The following DGKD variants were observed in gnomAD, a reference collection of about 807,000 sequenced individuals.
DGKD encodes the protein DAG kinase delta.
In DGKD, 68 loss-of-function variants were observed where a neutral mutation model predicts 154.4. That is an observed-to-expected ratio of 0.44 (90% CI 0.36 to 0.54). The LOEUF is 0.54. Among genes scored for constraint, DGKD ranks in the 20% least tolerant of loss-of-function variants. The probability of loss-of-function intolerance (pLI) is 0.00; values close to 1 mark genes in which losing one functional copy is unlikely to be tolerated. For synonymous variants in DGKD, 693 were observed against 638.0 expected (o/e 1.09, Z -1.30); for missense variants, 1,343 against 1,593.6 (o/e 0.84, Z 2.68).
intron 9 of DGKD, among the ~76,000 whole-genome samples, chr2:233,439,190 G>A (rs920409755): frequency 6.6e-6 from 1 of 152,252 alleles, no homozygotes; most frequent in African/African-American, 2.4e-5. Flanking sequence ...CACTGCCGGA[G>A]ATGTCCAGGA....
At chr2:233,360,911 G>A (rs1390991174) in intron 1 of DGKD, among the ~76,000 whole-genome samples, 1 of 151,878 alleles carries the variant, frequency 6.6e-6, no homozygotes, top group Non-Finnish European at 1.5e-5. Flanking sequence ...CTCCCCTAGA[G>A]CCTTTAGAGG....
At position 233,390,838 on chromosome 2, in the gene DGKD, A is replaced by C. The variant is rs191918415; in HGVS notation, c.348+355A>C. Reference sequence around the variant, plus strand: ...AACTTCCGCCTCCCGAGTTCAAGCGATTCTCCTGCCTCAGCCTCCCGAGTA... The same window carrying C: ...AACTTCCGCCTCCCGAGTTCAAGCGCTTCTCCTGCCTCAGCCTCCCGAGTA... On this transcript the variant is annotated intron_variant, in intron 3 of 29. Transcript: ENST00000264057. Among the ~76,000 whole-genome samples, 4 of 152,248 alleles carry C rather than the reference A, an allele frequency of 2.6e-5. No homozygotes were observed. The East Asian group carries it at 7.7e-4, about 29-fold the overall frequency.
intron 10 of DGKD, among the ~76,000 whole-genome samples, chr2:233,443,443 C>G (rs1450326210): frequency 6.6e-6 from 1 of 151,908 alleles, no homozygotes; most frequent in Non-Finnish European, 1.5e-5. Context: ...TGTCGTTTGT[C>G]AGTTCAACAT....
chr2:233,368,787 T>C (rs1702167941), intron 1 of DGKD, among the ~76,000 whole-genome samples: 1 of 152,244 alleles, frequency 6.6e-6, no homozygotes, highest in South Asian at 2.1e-4. Flanking sequence ...AAAATTATCC[T>C]GATTTTCCTG....
At position 233,468,607 on chromosome 2, in the gene DGKD, C is replaced by T. The variant is rs149851268; in HGVS notation, c.3555+54C>T. The stretch of plus-strand genomic sequence containing the variant: ...TGCACTTGGGCTTGCACGCAGCTCC[C>T]TTCTCTTCCATCCTCTCCCCCGACC... On this transcript the variant is annotated intron_variant, in intron 29 of 29. Transcript: ENST00000264057. 1.2e-5 allele frequency: 20 copies of T among 1,606,670 alleles called. No individual in the cohort carries two copies. In the South Asian group the frequency reaches 2.2e-4, roughly 18 times the overall value.
intron 1 of DGKD, among the ~76,000 whole-genome samples, chr2:233,358,161 C>T (rs1701614202): frequency 6.6e-6 from 1 of 152,146 alleles, no homozygotes; most frequent in African/African-American, 2.4e-5. Context: ...AACTGCATAG[C>T]TAGAATGGAA....
In DGKD at chr2:233,441,919, GGA is replaced by G. The variant is rs1360019887; in HGVS notation, c.1119_1120del (p.Ile374SerfsTer23). The G allele has an allele frequency of 6.2e-7, 1 of 1,614,032 alleles. No homozygotes were observed. The highest frequency in any genetic ancestry group is 8.5e-7 in the Non-Finnish European group (1 of 1,180,004). ...TTATTCCAGAAGTTTGACACATTCC[GGA>G]TTCTGGTTTGTGGCGGGGATGGAAG... On this transcript the variant is annotated frameshift_variant, in exon 10 of 30. Coordinates refer to ENST00000264057, the MANE Select transcript of DGKD (RefSeq NM_152879.3). LOFTEE classifies it high-confidence loss of function. The surrounding 1 kb of genome is among the most constrained non-coding windows in gnomAD (Gnocchi z 5.6).
rs1306085395 is a variant in DGKD, at chr2:233,459,939, G to C, written c.2829+48G>C. On this transcript the variant is annotated intron_variant, in intron 23 of 29. Coordinates refer to ENST00000264057, the MANE Select transcript of DGKD (RefSeq NM_152879.3). The surrounding 1 kb of genome is among the most constrained non-coding windows in gnomAD (Gnocchi z 5.7). ...CCTGGGTGGGGTACAGGGCTCACCT[G>C]TGGGCTCTTGTGTGCACTGTTAAGA... is the stretch of plus-strand genomic sequence containing the variant. 1 of 1,589,452 alleles carries C rather than the reference G, an allele frequency of 6.3e-7. No homozygotes were observed. The highest frequency in any genetic ancestry group is 8.6e-7 in the Non-Finnish European group (1 of 1,168,772).
chr2:233,390,616 T>C (rs1703536281), intron 3 of DGKD, 133 bp downstream of exon 3: 3 of 666,990 alleles, frequency 4.5e-6, no homozygotes, highest in Non-Finnish European at 7.5e-6. Context: ...TGGTAAAATT[T>C]GAATTTAATG....
chr2:233,461,150 G>C (rs2924814), intron 24 of DGKD, among the ~76,000 whole-genome samples: 71,712 of 152,124 alleles, frequency 0.47, 17,059 homozygotes, highest in East Asian at 0.52. Context: ...TCGCCCGCCA[G>C]GTGCGGGTTC....
rs1210735878 is a variant in DGKD at position 233,438,512 on chromosome 2, A to G, written c.1085+133A>G. ...GAAAAGTTGAACTGCTTCCTTCCCAAATTGCACTTGCAGAGGTGCCCACTC... is the reference window on the plus strand; with the variant it reads ...GAAAAGTTGAACTGCTTCCTTCCCAGATTGCACTTGCAGAGGTGCCCACTC... On this transcript the variant is annotated intron_variant, in intron 9 of 29. Transcript: ENST00000264057. This position sits in a 1 kb window ranked among gnomAD's most constrained non-coding sequence, Gnocchi z 4.1. 8.6e-7 allele frequency: 1 copy of G among 1,163,582 alleles called. No homozygotes were observed. The highest frequency in any genetic ancestry group is 1.2e-6 in the Non-Finnish European group (1 of 841,598). The allele number at this position is 1,163,582 out of a possible 1,614,324, so 72.1% of individuals were successfully genotyped here.
At chr2:233,389,565 C>T (rs933457199) in intron 2 of DGKD, among the ~76,000 whole-genome samples, 6 of 129,002 alleles carry the variant, frequency 4.7e-5, no homozygotes, top group Non-Finnish European at 1.5e-5. Flanking sequence ...CTGACCACTT[C>T]CCTCAATTAA....
chr2:233,468,399 C>G (rs758289909), intron 28 of DGKD, 24 bp from the exon 29 acceptor site: 20 of 1,611,856 alleles, frequency 1.2e-5, no homozygotes, highest in Non-Finnish European at 1.7e-5. Context: ...ACTCACTGCA[C>G]TCGTGCTTTT....
chr2:233,384,054 G>A, intron 1 of DGKD, among the ~76,000 whole-genome samples: 1 of 151,950 alleles, frequency 6.6e-6, no homozygotes. Flanking sequence ...TCACATAACA[G>A]TATGTACAGT....
chr2:233,442,116 G>A (rs1176066871), intron 10 of DGKD, 121 bp downstream of exon 10: 1 of 969,064 alleles, frequency 1.0e-6, no homozygotes, highest in African/African-American at 1.6e-5. Flanking sequence ...AACCATTGGT[G>A]GTTTTGGGGA....
intron 3 of DGKD, among the ~76,000 whole-genome samples, chr2:233,430,801 T>C (rs1037092119): frequency 2.6e-5 from 4 of 152,232 alleles, no homozygotes; most frequent in African/African-American, 9.6e-5. Flanking sequence ...AGAACTCTTT[T>C]TCCCCCACAT....
At chr2:233,436,056 G>A in intron 6 of DGKD, 132 bp downstream of exon 6, 3 of 1,104,634 alleles carry the variant, frequency 2.7e-6, no homozygotes, top group South Asian at 3.1e-5. Flanking sequence ...GGGTGGCACA[G>A]TGGAAATTAT....
chr2:233,390,379 G>C (rs1261002322), intron 2 of DGKD, 24 bp from the exon 3 acceptor site: 3 of 1,604,110 alleles, frequency 1.9e-6, no homozygotes, highest in Non-Finnish European at 2.6e-6. Context: ...ATGTGCCTTA[G>C]TCCCTGTGTT....
rs534961995 is a variant in DGKD at position 233,408,099 on chromosome 2, G to A, written c.348+17616G>A. On this transcript the variant is annotated intron_variant, in intron 3 of 29. Transcript: ENST00000264057. ...ACTCTGTTGCCCAGGCTGGAGTGCC[G>A]TGCTGCGCTCTCAGCTCACTGCAAC... 6.2e-5 allele frequency among the ~76,000 whole-genome samples: 9 copies of A among 146,202 alleles called. No individual in the cohort carries two copies. The South Asian group carries it at 1.5e-3, about 25-fold the overall frequency.
Sources: gnomAD v4.1 joint callset for allele counts (sites outside exome capture counted in the v4.1 genomes callset) on GRCh38, gnomAD v4.1.1 for gene constraint, Gnocchi (gnomAD v3.1) non-coding constraint, MANE v1.5 for transcripts, NCBI Gene and HGNC (gene_info 2026-07-23, HGNC 2026-07-21) for gene names.